Variants in METTL24 observed in about 807,000 individuals in gnomAD.
METTL24 encodes methyltransferase like 24.
METTL24 carries 29 observed loss-of-function variants against 32.7 expected under a neutral mutation model. The ratio of observed to expected loss-of-function variants is 0.89; its 90% CI spans 0.66 to 1.21. The LOEUF (loss-of-function observed/expected upper bound fraction) is 1.21, where lower values mean the gene tolerates loss of function less well. Ranked by LOEUF, METTL24 falls within the 50% of genes most tolerant of loss-of-function variation. The pLI is 0.00. For synonymous variants in METTL24, 163 were observed against 179.5 expected, an observed-to-expected ratio of 0.91 and a Z score of 0.73; for missense variants, 439 against 468.1, an observed-to-expected ratio of 0.94 and a Z score of 0.57.
At chr6:110,306,669 T>A (rs1771633067) in intron 3 of METTL24, among the ~76,000 whole-genome samples, 1 of 152,250 alleles carries the variant, frequency 6.6e-6, no homozygotes, top group Non-Finnish European at 1.5e-5. Flanking sequence ...AATTGATATA[T>A]AAAATTCTTA....
intron 4 of METTL24, among the ~76,000 whole-genome samples, chr6:110,258,442 T>C (rs544418129): frequency 6.6e-6 from 1 of 152,288 alleles, no homozygotes; most frequent in East Asian, 1.9e-4. Context: ...TGCTTGATAA[T>C]TATTTATTTT....
chr6:110,322,995 A>G (rs932528146), intron 1 of METTL24, 123 bp from the exon 2 acceptor site: 3 of 632,652 alleles, frequency 4.7e-6, no homozygotes, highest in Admixed American at 5.6e-5. Context: ...ACATATGCAC[A>G]CAGGCAGCAG....
chr6:110,275,301 C>A (rs1290791013), intron 4 of METTL24, among the ~76,000 whole-genome samples: 1 of 152,076 alleles, frequency 6.6e-6, no homozygotes, highest in African/African-American at 2.4e-5. Context: ...GCCCAACCCC[C>A]CTTTCTTGCC....
chr6:110,319,782 T>A (rs1286846479), intron 2 of METTL24, among the ~76,000 whole-genome samples: 8 of 151,910 alleles, frequency 5.3e-5, no homozygotes, highest in Non-Finnish European at 1.0e-4. Flanking sequence ...AAACACCATA[T>A]CCTCTGGAAT....
rs1778136753 is a variant in METTL24, at chr6:110,245,452, G to A, written c.*494C>T. Among the ~76,000 whole-genome samples the A allele has an allele frequency of 6.6e-6, 1 of 152,110 alleles. No individual in the cohort carries two copies. Among genetic ancestry groups the A allele is most frequent in the Admixed American group, 6.5e-5 (1 of 15,268 alleles). On this transcript the variant is annotated 3_prime_UTR_variant, in exon 5 of 5. Coordinates refer to ENST00000338882, the MANE Select transcript of METTL24 (RefSeq NM_001123364.3). ...AAAGCCACAGCATGGCCTCAGCAAAGGCTGAGAAGGAATGACTGAAATCTA... is the reference window on the plus strand; with the variant it reads ...AAAGCCACAGCATGGCCTCAGCAAAAGCTGAGAAGGAATGACTGAAATCTA...
chr6:110,350,558 ACT>A (rs1295764111), intron 1 of METTL24, among the ~76,000 whole-genome samples: 4 of 151,682 alleles, frequency 2.6e-5, no homozygotes, highest in African/African-American at 9.7e-5. Flanking sequence ...AGAATATGAG[ACT>A]CTAAGTTTCG....
chr6:110,295,326 G>C (rs1771393919), intron 4 of METTL24, among the ~76,000 whole-genome samples: 1 of 152,128 alleles, frequency 6.6e-6, no homozygotes, highest in Non-Finnish European at 1.5e-5. Flanking sequence ...CAACAAAACT[G>C]ATGTTCTGGA....
chr6:110,335,783 A>G (rs1285880588), intron 1 of METTL24, among the ~76,000 whole-genome samples: 2 of 152,080 alleles, frequency 1.3e-5, no homozygotes, highest in East Asian at 3.9e-4. Context: ...TTCATATTAT[A>G]ATTGAAGAAA....
At chr6:110,248,615 C>G (rs948462096) in intron 4 of METTL24, among the ~76,000 whole-genome samples, 1 of 152,002 alleles carries the variant, frequency 6.6e-6, no homozygotes, top group African/African-American at 2.4e-5. Flanking sequence ...GAATACACAC[C>G]AGGCTAAAAT....
chr6:110,282,271 T>A (rs1189044132), intron 4 of METTL24, among the ~76,000 whole-genome samples: 1 of 152,124 alleles, frequency 6.6e-6, no homozygotes, highest in Non-Finnish European at 1.5e-5. Context: ...ACTAAGAAAG[T>A]GAAAGGCAAT....
chr6:110,317,233 G>A (rs539664664), intron 2 of METTL24, among the ~76,000 whole-genome samples: 2 of 152,320 alleles, frequency 1.3e-5, no homozygotes, highest in African/African-American at 4.8e-5. Context: ...CAGAGAAAAT[G>A]GAATTGAATC....
At chr6:110,292,736 C>T (rs1247037390) in intron 4 of METTL24, among the ~76,000 whole-genome samples, 3 of 151,542 alleles carry the variant, frequency 2.0e-5, no homozygotes, top group Non-Finnish European at 2.9e-5. Flanking sequence ...CCATAGTTTT[C>T]TTTCTAATAT....
chr6:110,263,388 G>C (rs7758018), intron 4 of METTL24, among the ~76,000 whole-genome samples: 1 of 151,966 alleles, frequency 6.6e-6, no homozygotes. Context: ...AAAGAGAATA[G>C]AATACCTAGG....
rs1200844124 is a variant in METTL24 at position 110,310,004 on chromosome 6, G to A, written c.557+5338C>T. 3.3e-5 allele frequency among the ~76,000 whole-genome samples: 5 copies of A among 152,128 alleles called. No individual in the cohort carries two copies. In the East Asian group the frequency reaches 7.7e-4, roughly 23 times the overall value. Reference sequence around the variant, plus strand: ...TAAATTTTCATGAAAAGGGTAATTTGGGGAAACATGCCCAAAAAGGAAGCT... The same window carrying A: ...TAAATTTTCATGAAAAGGGTAATTTAGGGAAACATGCCCAAAAAGGAAGCT... On this transcript the variant is annotated intron_variant, in intron 3 of 4. Transcript: ENST00000338882.
chr6:110,317,152 T>C (rs1346817589), intron 2 of METTL24, among the ~76,000 whole-genome samples: 2 of 152,166 alleles, frequency 1.3e-5, no homozygotes, highest in Non-Finnish European at 2.9e-5. Context: ...GAAACCCCTA[T>C]ATATCTTTTC....
At chr6:110,260,759 G>A (rs538039519) in intron 4 of METTL24, among the ~76,000 whole-genome samples, 2 of 152,332 alleles carry the variant, frequency 1.3e-5, no homozygotes, top group East Asian at 3.9e-4. Flanking sequence ...CAGACTAACA[G>A]GTGATCTCTC....
Position 110,323,300 on chromosome 6 carries a change from C to T in METTL24, c.319-428G>A, listed in dbSNP as rs146659713. Reference sequence around the variant, plus strand: ...AATATGTGCCTCTCTAAACAAAGCACCATAATGCTGGGGGCTTGTCTTTGT... The same window carrying T: ...AATATGTGCCTCTCTAAACAAAGCATCATAATGCTGGGGGCTTGTCTTTGT... On this transcript the variant is annotated intron_variant, in intron 1 of 4. Coordinates refer to ENST00000338882, the MANE Select transcript of METTL24 (RefSeq NM_001123364.3). Among the ~76,000 whole-genome samples, 4 of 152,336 alleles carry T rather than the reference C, an allele frequency of 2.6e-5. No homozygotes were observed. The East Asian group carries it at 5.8e-4, about 22-fold the overall frequency.
At chr6:110,290,885 T>G (rs1425299334) in intron 4 of METTL24, among the ~76,000 whole-genome samples, 1 of 152,218 alleles carries the variant, frequency 6.6e-6, no homozygotes, top group Admixed American at 6.5e-5. Context: ...ATCAATCTTT[T>G]AAATTTTAGC....
At chr6:110,332,089 G>A (rs1293138205) in intron 1 of METTL24, among the ~76,000 whole-genome samples, 1 of 152,158 alleles carries the variant, frequency 6.6e-6, no homozygotes, top group Non-Finnish European at 1.5e-5. Context: ...GGGTAGGCTG[G>A]GAGGCAGGGG....
Sources: allele counts gnomAD v4.1 joint callset (sites outside exome capture counted in the v4.1 genomes callset), GRCh38; gene constraint gnomAD v4.1.1; transcripts MANE v1.5; gene names NCBI Gene and HGNC (gene_info 2026-07-23, HGNC 2026-07-21).